Variants in SHISA9 observed in about 807,000 individuals in gnomAD.
The protein encoded by SHISA9 is shisa family member 9.
Under a neutral mutation model 38.0 loss-of-function variants are expected in SHISA9, and 13 were observed. The ratio of observed to expected loss-of-function variants is 0.34; its 90% CI spans 0.22 to 0.54. SHISA9 has a LOEUF of 0.54. SHISA9 is among the 20% of genes least tolerant of loss of function. The pLI is 0.91. For synonymous variants in SHISA9, 275 were observed against 242.0 expected (o/e 1.14, Z -1.27); for missense variants, 538 against 575.8 (o/e 0.93, Z 0.67).
At chr16:13,118,841 T>C (rs2074057925) in intron 2 of SHISA9, among the ~76,000 whole-genome samples, 2 of 151,316 alleles carry the variant, frequency 1.3e-5, no homozygotes. Context: ...GCCATTTTCC[T>C]TCCTCAGCCT....
the SHISA9 span, among the ~76,000 whole-genome samples, chr16:13,542,878 AG>A: frequency 6.6e-6 from 1 of 152,166 alleles, no homozygotes; most frequent in Non-Finnish European, 1.5e-5. Flanking sequence ...TTCATCCCAC[AG>A]GTTGGCTTTA....
chr16:13,065,796 G>A (rs975780096), intron 2 of SHISA9, among the ~76,000 whole-genome samples: 1 of 152,210 alleles, frequency 6.6e-6, no homozygotes, highest in African/African-American at 2.4e-5. Flanking sequence ...TAGAATCTCC[G>A]CTTGTCAGGA....
the SHISA9 span, among the ~76,000 whole-genome samples, chr16:13,271,819 C>T: frequency 6.6e-6 from 1 of 151,886 alleles, no homozygotes; most frequent in Admixed American, 6.6e-5. Context: ...TGGTGGCTCA[C>T]GCCTGTAATC....
the SHISA9 span, among the ~76,000 whole-genome samples, chr16:13,438,393 T>G: frequency 6.6e-6 from 1 of 152,168 alleles, no homozygotes; most frequent in Non-Finnish European, 1.5e-5. Context: ...CCTAACAGCA[T>G]CTACCTATTT....
chr16:13,291,073 G>T, the SHISA9 span, among the ~76,000 whole-genome samples: 1 of 152,100 alleles, frequency 6.6e-6, no homozygotes, highest in African/African-American at 2.4e-5. Context: ...CTTGCTATAG[G>T]AACTGCAGTT....
intron 2 of SHISA9, among the ~76,000 whole-genome samples, chr16:13,137,568 G>A (rs192425693): frequency 5.8e-4 from 88 of 151,610 alleles, no homozygotes; most frequent in Non-Finnish European, 1.1e-3. Context: ...TGATTCTTCT[G>A]TCTCAGCCTC....
At chr16:13,114,596 G>A (rs1241784228) in intron 2 of SHISA9, among the ~76,000 whole-genome samples, 1 of 151,278 alleles carries the variant, frequency 6.6e-6, no homozygotes, top group African/African-American at 2.4e-5. Flanking sequence ...AAATATTATT[G>A]CTTTAACATA....
chr16:13,553,836 A>C, the SHISA9 span, among the ~76,000 whole-genome samples: 7 of 152,210 alleles, frequency 4.6e-5, no homozygotes, highest in Non-Finnish European at 8.8e-5. Flanking sequence ...ATTTTCCACT[A>C]TTACAGGGGC....
chr16:13,346,922 C>A, the SHISA9 span, among the ~76,000 whole-genome samples: 24 of 152,056 alleles, frequency 1.6e-4, no homozygotes, highest in African/African-American at 5.8e-4. Flanking sequence ...GCTATAAATC[C>A]CAACCTGTTT....
At chr16:13,254,043 T>A in the SHISA9 span, among the ~76,000 whole-genome samples, 1 of 152,200 alleles carries the variant, frequency 6.6e-6, no homozygotes, top group Non-Finnish European at 1.5e-5. Flanking sequence ...AGTGGTAGTT[T>A]TCAAAATGGA....
chr16:13,199,626 C>A (rs1384687191), intron 2 of SHISA9, among the ~76,000 whole-genome samples: 1 of 152,202 alleles, frequency 6.6e-6, no homozygotes, highest in Non-Finnish European at 1.5e-5. Flanking sequence ...AAGATTTTCT[C>A]CACATGGTAG....
At chr16:13,275,395 T>C in the SHISA9 span, among the ~76,000 whole-genome samples, 1 of 152,156 alleles carries the variant, frequency 6.6e-6, no homozygotes, top group Non-Finnish European at 1.5e-5. Context: ...CTGATTTCTT[T>C]CTATGTAAAC....
chr16:13,465,642 T>C, the SHISA9 span, among the ~76,000 whole-genome samples: 3 of 152,146 alleles, frequency 2.0e-5, no homozygotes, highest in African/African-American at 7.2e-5. Flanking sequence ...TCAACAAATC[T>C]CCACAGAGCC....
At chr16:13,024,050 G>C (rs893035875) in intron 2 of SHISA9, among the ~76,000 whole-genome samples, 50 of 152,310 alleles carry the variant, frequency 3.3e-4, no homozygotes, top group African/African-American at 1.2e-3. Flanking sequence ...GCGAGGAACT[G>C]GGTTAAAGCT....
the SHISA9 span, among the ~76,000 whole-genome samples, chr16:13,546,353 C>G: frequency 3.3e-5 from 5 of 152,164 alleles, no homozygotes; most frequent in Non-Finnish European, 5.9e-5. Context: ...TTAGTATCAT[C>G]TTATTTCATA....
chr16:13,012,159 A>G (rs2072685889), intron 2 of SHISA9, among the ~76,000 whole-genome samples: 1 of 151,972 alleles, frequency 6.6e-6, no homozygotes, highest in Non-Finnish European at 1.5e-5. Flanking sequence ...GGTTCCACAT[A>G]TAAGTGAGAT....
intron 4 of SHISA9, among the ~76,000 whole-genome samples, chr16:13,225,198 C>G (rs76403603): frequency 0.042 from 6,367 of 152,236 alleles, 143 homozygotes; most frequent in East Asian, 0.072. Context: ...CAAGGATTGC[C>G]AGCAACCACC....
the SHISA9 span, among the ~76,000 whole-genome samples, chr16:13,360,858 A>G: frequency 3.3e-5 from 5 of 152,274 alleles, no homozygotes; most frequent in South Asian, 1.0e-3. Flanking sequence ...TGCATTCTAC[A>G]CAGTTCCTCA....
chr16:13,193,692 A>G (rs1436488264), intron 2 of SHISA9, among the ~76,000 whole-genome samples: 1 of 152,168 alleles, frequency 6.6e-6, no homozygotes, highest in Non-Finnish European at 1.5e-5. Context: ...TTAGCCTGTG[A>G]TAACCATCTG....
Sources: allele counts gnomAD v4.1 joint callset (sites outside exome capture counted in the v4.1 genomes callset), GRCh38; gene constraint gnomAD v4.1.1; transcripts MANE v1.5; gene names NCBI Gene and HGNC (gene_info 2026-07-23, HGNC 2026-07-21).